Variants in EDIL3 observed in about 807,000 individuals in gnomAD.
The protein encoded by EDIL3 is EGF-like repeat and discoidin I-like domain-containing protein 3.
A neutral mutation model predicts 67.4 loss-of-function variants in EDIL3; 37 were observed. The ratio of observed to expected loss-of-function variants is 0.55; its 90% CI spans 0.42 to 0.72. EDIL3 has a LOEUF of 0.72. EDIL3 is among the 30% of genes least tolerant of loss of function. EDIL3 has a pLI of 0.00. For missense variants in EDIL3, 527 were observed against 586.3 expected (o/e 0.90, Z 1.04); for synonymous variants, 195 against 196.3 (o/e 0.99, Z 0.05).
chr5:84,035,410 T>C (rs972314821), intron 9 of EDIL3, among the ~76,000 whole-genome samples: 1 of 152,146 alleles, frequency 6.6e-6, no homozygotes, highest in Non-Finnish European at 1.5e-5. Context: ...GATTAAGCAA[T>C]AAAACCAGTT....
rs149066566 is a variant in EDIL3 at position 84,113,859 on chromosome 5, C to T, written c.470-7029G>A. Among the ~76,000 whole-genome samples, 583 of 152,238 alleles carry T rather than the reference C, an allele frequency of 3.8e-3. 13 individuals are homozygous for T. Among genetic ancestry groups the T allele is most frequent in the Admixed American group, 0.03 (464 of 15,294 alleles). ...AAACATCTCCAGTCCTCCCTTTCTC[C>T]GAGCATCTCATCTTATACGAGTGAG... On this transcript the variant is annotated intron_variant, in intron 5 of 10. Coordinates refer to ENST00000296591, the MANE Select transcript of EDIL3 (RefSeq NM_005711.5).
intron 5 of EDIL3, among the ~76,000 whole-genome samples, chr5:84,114,268 G>T (rs1747625900): frequency 6.6e-6 from 1 of 151,570 alleles, no homozygotes; most frequent in Admixed American, 6.6e-5. Flanking sequence ...GAAGAAAGAG[G>T]TCAGGGGATG....
chr5:84,107,242 A>C (rs1747481471), intron 5 of EDIL3, among the ~76,000 whole-genome samples: 1 of 152,088 alleles, frequency 6.6e-6, no homozygotes, highest in Non-Finnish European at 1.5e-5. Context: ...TTATTATCAT[A>C]AAGCTGAGCT....
At chr5:84,174,497 G>A (rs1215048638) in intron 4 of EDIL3, among the ~76,000 whole-genome samples, 1 of 152,174 alleles carries the variant, frequency 6.6e-6, no homozygotes, top group Non-Finnish European at 1.5e-5. Context: ...TTGCATTAAT[G>A]ATATGCTGGT....
intron 6 of EDIL3, among the ~76,000 whole-genome samples, chr5:84,101,214 G>A (rs1203614057): frequency 6.6e-6 from 1 of 152,060 alleles, no homozygotes; most frequent in African/African-American, 2.4e-5. Context: ...TAAAGAAATT[G>A]TAAGAGCTGT....
At chr5:84,207,738 T>C (rs1223671190) in intron 3 of EDIL3, among the ~76,000 whole-genome samples, 3 of 151,800 alleles carry the variant, frequency 2.0e-5, no homozygotes, top group Non-Finnish European at 4.4e-5. Context: ...TCAGAAATAA[T>C]GCCGCATATC....
At chr5:84,053,889 G>T (rs1018746408) in intron 9 of EDIL3, among the ~76,000 whole-genome samples, 3 of 152,110 alleles carry the variant, frequency 2.0e-5, no homozygotes, top group African/African-American at 7.2e-5. Flanking sequence ...ACAAGGAGGA[G>T]ATGGTACCAT....
At chr5:84,118,082 A>G (rs1747703840) in intron 5 of EDIL3, among the ~76,000 whole-genome samples, 1 of 152,202 alleles carries the variant, frequency 6.6e-6, no homozygotes, top group South Asian at 2.1e-4. Context: ...GATAAATTGC[A>G]TAAAAATACA....
chr5:84,004,797 C>G (rs1745384553), intron 9 of EDIL3, among the ~76,000 whole-genome samples: 1 of 151,890 alleles, frequency 6.6e-6, no homozygotes, highest in Non-Finnish European at 1.5e-5. Flanking sequence ...AAGAGCAAAC[C>G]AACCCCAAAG....
chr5:84,027,387 T>A (rs1745834768), intron 9 of EDIL3, among the ~76,000 whole-genome samples: 1 of 152,116 alleles, frequency 6.6e-6, no homozygotes, highest in Admixed American at 6.5e-5. Flanking sequence ...AACACAGCAG[T>A]CTTCAAACAT....
intron 3 of EDIL3, among the ~76,000 whole-genome samples, chr5:84,221,749 T>A (rs1053633797): frequency 1.3e-5 from 2 of 152,030 alleles, no homozygotes; most frequent in Non-Finnish European, 2.9e-5. Context: ...GTTTTAATAT[T>A]TGAGCCTGAT....
At chr5:84,286,668 G>T (rs764101311) in intron 1 of EDIL3, among the ~76,000 whole-genome samples, 1 of 152,128 alleles carries the variant, frequency 6.6e-6, no homozygotes, top group Non-Finnish European at 1.5e-5. Context: ...AACTTATTAG[G>T]TAAAATGGGG....
intron 9 of EDIL3, among the ~76,000 whole-genome samples, chr5:83,992,843 TTATA>T (rs1214295933): frequency 6.6e-6 from 1 of 151,820 alleles, no homozygotes; most frequent in African/African-American, 2.4e-5. Flanking sequence ...AGAGTTATTT[TTATA>T]TACTCTATTT....
chr5:84,340,165 T>C (rs1434911326), intron 1 of EDIL3, among the ~76,000 whole-genome samples: 1 of 151,952 alleles, frequency 6.6e-6, no homozygotes, highest in Non-Finnish European at 1.5e-5. Context: ...CTTCCAATTC[T>C]AAAGTAAATT....
chr5:84,296,196 T>G (rs560632023), intron 1 of EDIL3, among the ~76,000 whole-genome samples: 241 of 152,300 alleles, frequency 1.6e-3, no homozygotes, highest in African/African-American at 5.4e-3. Context: ...ACTAAAGTCT[T>G]TCCCTCTTTC....
intron 9 of EDIL3, among the ~76,000 whole-genome samples, chr5:84,031,859 G>A (rs985983508): frequency 1.2e-4 from 19 of 152,134 alleles, no homozygotes; most frequent in African/African-American, 4.6e-4. Flanking sequence ...AAATAATACA[G>A]AGGGATTTCA....
At chr5:84,094,529 C>T (rs1233676779) in intron 6 of EDIL3, among the ~76,000 whole-genome samples, 1 of 151,984 alleles carries the variant, frequency 6.6e-6, no homozygotes, top group Non-Finnish European at 1.5e-5. Context: ...AAAAAATCTA[C>T]TTCTTAAATC....
At chr5:84,174,603 G>A (rs531416986) in intron 4 of EDIL3, among the ~76,000 whole-genome samples, 3 of 152,154 alleles carry the variant, frequency 2.0e-5, no homozygotes, top group Non-Finnish European at 1.5e-5. Context: ...AGGGTCCAAG[G>A]TTCAAGCGTT....
intron 6 of EDIL3, among the ~76,000 whole-genome samples, chr5:84,090,081 C>G (rs1022666308): frequency 6.6e-6 from 1 of 152,142 alleles, no homozygotes; most frequent in African/African-American, 2.4e-5. Context: ...ACTATTTAGT[C>G]ATAACTTAAT....
Sources: gnomAD v4.1 joint callset for allele counts (sites outside exome capture counted in the v4.1 genomes callset) on GRCh38, gnomAD v4.1.1 for gene constraint, MANE v1.5 for transcripts, NCBI Gene and HGNC (gene_info 2026-07-23, HGNC 2026-07-21) for gene names.